LYST: variants seen among roughly 807,000 people sequenced by gnomAD.
The protein encoded by LYST is lysosomal-trafficking regulator.
LYST carries 192 observed loss-of-function variants against 413.6 expected under a neutral mutation model. The ratio of observed to expected loss-of-function variants is 0.46; its 90% CI spans 0.41 to 0.52. LYST has a LOEUF of 0.52. LYST is among the 20% of genes least tolerant of loss of function. The pLI is 0.00. For synonymous variants in LYST, 1,525 were observed against 1,567.3 expected, an observed-to-expected ratio of 0.97 and a Z score of 0.64; for missense variants, 3,815 against 4,499.9, an observed-to-expected ratio of 0.85 and a Z score of 4.35.
rs1256661217 is a variant in LYST, at chr1:235,697,178, C to T, written c.10469G>A (p.Gly3490Glu). 1.2e-6 allele frequency: 2 copies of T among 1,614,208 alleles called. No individual in the cohort carries two copies. The highest frequency in any genetic ancestry group is 2.2e-5 in the East Asian group (1 of 44,890). Residue 3490 changes from glycine (G) to glutamate (E), a missense_variant, in exon 46 of 53, where the codon GGA becomes GAA. Transcript: ENST00000389793. Reference sequence around the variant, plus strand: ...AGCCTGGAGAGAGCCAAATCTTTCTCCGTGGGGCTGGCTGAAGCAGACCAC... The same window carrying T: ...AGCCTGGAGAGAGCCAAATCTTTCTTCGTGGGGCTGGCTGAAGCAGACCAC... ...VPVVCFSQPHGERFGSLQALP... is the reference protein window; with the variant it reads ...VPVVCFSQPHEERFGSLQALP...
chr1:235,850,308 T>C (rs559072495), intron 1 of LYST, among the ~76,000 whole-genome samples: 1 of 152,252 alleles, frequency 6.6e-6, no homozygotes, highest in Non-Finnish European at 1.5e-5. Context: ...CATGCTGGAA[T>C]AATCAGCTAG....
intron 39 of LYST, among the ~76,000 whole-genome samples, chr1:235,722,564 C>A (rs12082630): frequency 0.036 from 5,505 of 152,248 alleles, 334 homozygotes; most frequent in African/African-American, 0.13. Flanking sequence ...TGGCTCGCTG[C>A]AACCTCTGCT....
At chr1:235,785,862 A>T (rs1388138627) in intron 14 of LYST, among the ~76,000 whole-genome samples, 1 of 152,202 alleles carries the variant, frequency 6.6e-6, no homozygotes, top group Non-Finnish European at 1.5e-5. Context: ...ACAGGCTAAA[A>T]TTTGACATTA....
chr1:235,805,799 A>G lies in LYST; in HGVS notation c.3337T>C (p.Cys1113Arg). ...IRLLEALLAICLHGARTSQQK... is the reference protein window; with the variant it reads ...IRLLEALLAIRLHGARTSQQK... ...TGACTAGTTCTGGCACCATGAAGAC[A>G]AATGGCCAGAAGGGCTTCCAAAAGT... The change falls in exon 6 of 53, where the codon TGT (cysteine) becomes CGT (arginine). Residue 1113 changes from cysteine (C) to arginine (R), a missense_variant. By Grantham distance (180) the Cys-to-Arg change is radical. Transcript: ENST00000389793. The G allele has an allele frequency of 4.3e-6, 7 of 1,613,674 alleles. No homozygotes were observed. Among genetic ancestry groups the G allele is most frequent in the Non-Finnish European group, 5.9e-6 (7 of 1,179,828 alleles).
rs1658079141 is a variant in LYST at position 235,661,920 on chromosome 1, C to T, written c.*1020G>A. Reference sequence around the variant, plus strand: ...ATTTTATTATTCTTCCTAGAATTCTCAGATGGTATAGGTTAGTAGAAACAG... The same window carrying T: ...ATTTTATTATTCTTCCTAGAATTCTTAGATGGTATAGGTTAGTAGAAACAG... On this transcript the variant is annotated 3_prime_UTR_variant, in exon 53 of 53. Coordinates refer to ENST00000389793, the MANE Select transcript of LYST (RefSeq NM_000081.4). The T allele has an allele frequency of 6.6e-6, 1 of 152,346 alleles. No homozygotes were observed. Among genetic ancestry groups the T allele is most frequent in the South Asian group, 2.1e-4 (1 of 4,832 alleles). 9.4% of individuals were successfully genotyped at this position (152,346 alleles called of 1,614,324 possible). A position where few individuals can be genotyped will look rare whatever the true frequency, so the allele number is the denominator to read the frequency against.
intron 1 of LYST, among the ~76,000 whole-genome samples, chr1:235,872,810 G>A (rs2103230043): frequency 6.6e-6 from 1 of 152,236 alleles, no homozygotes; most frequent in Non-Finnish European, 1.5e-5. Context: ...CAGCTACTCA[G>A]GAGGCTTAGG....
rs924543885 is a variant in LYST at position 235,752,790 on chromosome 1, A to G, written c.7460+254T>C. ...TGCTTCTCTCCATCTGGGTTTTCCAAATCAAGAAAGGGTTAGAAACTAACT... is the reference window on the plus strand; with the variant it reads ...TGCTTCTCTCCATCTGGGTTTTCCAGATCAAGAAAGGGTTAGAAACTAACT... On this transcript the variant is annotated intron_variant, in intron 26 of 52. Coordinates refer to ENST00000389793, the MANE Select transcript of LYST (RefSeq NM_000081.4). 3.9e-5 allele frequency among the ~76,000 whole-genome samples: 6 copies of G among 152,200 alleles called. No homozygotes were observed. The South Asian group carries it at 1.2e-3, about 32-fold the overall frequency.
chr1:235,790,168 T>C (rs77282963), intron 12 of LYST, among the ~76,000 whole-genome samples: 11,257 of 152,276 alleles, frequency 0.074, 544 homozygotes, highest in Middle Eastern at 0.12. Context: ...CAGGTCACTA[T>C]GTATATTTAT....
intron 16 of LYST, among the ~76,000 whole-genome samples, chr1:235,779,942 T>G (rs1357346668): frequency 1.3e-5 from 2 of 152,196 alleles, no homozygotes; most frequent in African/African-American, 4.8e-5. Flanking sequence ...AGACTATTTA[T>G]GAAGGCTCAG....
chr1:235,821,092 TAGTAATAAAGA>T (rs1674699691), intron 3 of LYST, among the ~76,000 whole-genome samples: 1 of 152,202 alleles, frequency 6.6e-6, no homozygotes, highest in African/African-American at 2.4e-5. Context: ...CAAATGGAAA[TAGTAATAAAGA>T]ATTATGCTTG....
chr1:235,718,194 G>T (rs1040999082), intron 40 of LYST, among the ~76,000 whole-genome samples: 22 of 146,540 alleles, frequency 1.5e-4, no homozygotes, highest in Admixed American at 3.4e-4. Flanking sequence ...ATAAATAGGG[G>T]TTTTTTTTTT....
intron 47 of LYST, among the ~76,000 whole-genome samples, chr1:235,688,687 T>A (rs1052317001): frequency 6.6e-6 from 1 of 152,000 alleles, no homozygotes; most frequent in Non-Finnish European, 1.5e-5. Context: ...GCGTGAGTCT[T>A]TATATAACAA....
chr1:235,872,098 C>A (rs907956105), intron 1 of LYST, among the ~76,000 whole-genome samples: 3 of 152,090 alleles, frequency 2.0e-5, no homozygotes, highest in Non-Finnish European at 2.9e-5. Context: ...GAGTTCGTGA[C>A]CAGCCTGGCC....
Position 235,809,651 on chromosome 1 carries a change from A to G in LYST, c.1167T>C (p.Phe389=). The change falls in exon 5 of 53, where the codon TTT becomes TTC. Residue 389 remains phenylalanine (F), a synonymous_variant. Coordinates refer to ENST00000389793, the MANE Select transcript of LYST (RefSeq NM_000081.4). The surrounding 1 kb of genome is among the most constrained non-coding windows in gnomAD (Gnocchi z 4.0). ...KKTLQEVQED[F]VFSKYRHRAL... is the part of the protein sequence containing the mutation. The stretch of plus-strand genomic sequence containing the variant: ...CTCTATGACGATACTTTGAAAACAC[A>G]AAATCTTCCTGAACCTCCTGCAGTG... The G allele has an allele frequency of 6.2e-6, 10 of 1,614,106 alleles. No individual in the cohort carries two copies. Among genetic ancestry groups the G allele is most frequent in the Non-Finnish European group, 8.5e-6 (10 of 1,180,006 alleles).
intron 1 of LYST, among the ~76,000 whole-genome samples, chr1:235,858,028 G>A (rs7534231): frequency 0.51 from 76,927 of 151,964 alleles, 22,843 homozygotes; most frequent in African/African-American, 0.82. Context: ...GAATTTTGTC[G>A]TATGACTATC....
chr1:235,864,347 T>G (rs1259260147), intron 1 of LYST, among the ~76,000 whole-genome samples: 1 of 152,054 alleles, frequency 6.6e-6, no homozygotes, highest in Non-Finnish European at 1.5e-5. Context: ...CCCACCCTTC[T>G]CCCCACCAAA....
upstream of LYST, among the ~76,000 whole-genome samples, chr1:235,868,064 C>G (rs1226363101): frequency 1.3e-5 from 2 of 152,174 alleles, no homozygotes; most frequent in African/African-American, 4.8e-5. Flanking sequence ...GGAAAATTCC[C>G]CACTTTAAAA....
Position 235,830,308 on chromosome 1 carries a change from G to T in LYST, c.110C>A (p.Thr37Lys), listed in dbSNP as rs375106444. The change falls in exon 3 of 53, where the codon ACG becomes AAG. Residue 37 changes from threonine (T) to lysine (K), a missense_variant. Thr to Lys is a moderately conservative substitution (Grantham distance 78, BLOSUM62 -1). Transcript: ENST00000389793. ...GTACTGTCCAAGGGTTGCCATGTGC[G>T]TCTCCTCCTCTTCTTCCTCCCTGGC... ...VEAREEEEEE[T>K]HMATLGQYLV... is the part of the protein sequence containing the mutation. 6.2e-7 allele frequency: 1 copy of T among 1,613,842 alleles called. No homozygotes were observed. Among genetic ancestry groups the T allele is most frequent in the Admixed American group, 1.7e-5 (1 of 59,986 alleles).
At chr1:235,825,768 T>C (rs1201179347) in intron 3 of LYST, among the ~76,000 whole-genome samples, 1 of 152,216 alleles carries the variant, frequency 6.6e-6, no homozygotes, top group African/African-American at 2.4e-5. Context: ...AACTGATTTA[T>C]AGATTCAATG....
Sources: allele counts gnomAD v4.1 joint callset (sites outside exome capture counted in the v4.1 genomes callset), GRCh38; gene constraint gnomAD v4.1.1; non-coding constraint Gnocchi (gnomAD v3.1); transcripts MANE v1.5; gene names NCBI Gene and HGNC (gene_info 2026-07-23, HGNC 2026-07-21).